The following OR2AT4 variants were observed in gnomAD, a reference collection of about 807,000 sequenced individuals.
OR2AT4 encodes olfactory receptor 2AT4.
A neutral mutation model predicts 10.3 loss-of-function variants in OR2AT4; 6 were observed. The ratio of observed to expected loss-of-function variants is 0.58; its 90% CI spans 0.32 to 1.15. The LOEUF is 1.15. Among genes scored for constraint, OR2AT4 ranks in the 50% most tolerant of loss-of-function variants. The probability of loss-of-function intolerance (pLI) is 0.05; values close to 1 mark genes in which losing one functional copy is unlikely to be tolerated. For missense variants in OR2AT4, 354 were observed against 393.8 expected, an observed-to-expected ratio of 0.90 and a Z score of 0.85; for synonymous variants, 145 against 159.1, an observed-to-expected ratio of 0.91 and a Z score of 0.67.
At position 75,089,555 on chromosome 11, in the gene OR2AT4, G is replaced by A. The variant is rs11236324; in HGVS notation, c.159C>T (p.Ala53=). ...TGTGGAGGCTGGGCTCTGCCACCAC[G>A]GCCACCAGGATCAGGGCATTACCCA... is the stretch of plus-strand genomic sequence containing the variant. The change falls in exon 2 of 2, where the codon GCC becomes GCT. Residue 53 remains alanine, a synonymous_variant. Transcript: ENST00000641504. 9.0e-3 allele frequency: 14,466 copies of A among 1,613,976 alleles called. 1,156 individuals carry two copies. In the African/African-American group the frequency reaches 0.17, roughly 19 times the overall value.
At chr11:75,087,916 A>T (rs183508317) in exon 2 of OR2AT4, 33 of 152,264 alleles carry the variant, frequency 2.2e-4, no homozygotes, top group African/African-American at 7.2e-4. Context: ...CATCTTTATG[A>T]GTTCACATTT....
intron 1 of OR2AT4, among the ~76,000 whole-genome samples, chr11:75,096,414 A>G (rs1040732975): frequency 1.3e-5 from 2 of 152,160 alleles, no homozygotes; most frequent in African/African-American, 4.8e-5. Flanking sequence ...CACTGTTTCC[A>G]TAGAAAAGGA....
chr11:75,090,207 A>G (rs1359455272), exon 2 of OR2AT4: 1 of 158,408 alleles, frequency 6.3e-6, no homozygotes, highest in Non-Finnish European at 1.4e-5. Context: ...CTACTTTTGT[A>G]CTCACTCAAA....
exon 2 of OR2AT4, chr11:75,086,197 T>C (rs1248451691): frequency 6.6e-6 from 1 of 152,164 alleles, no homozygotes; most frequent in Non-Finnish European, 1.5e-5. Flanking sequence ...TCAAAATTGT[T>C]CATAGAATGA....
At chr11:75,086,078 TGATA>T (rs1223597335) in exon 2 of OR2AT4, 7 of 152,242 alleles carry the variant, frequency 4.6e-5, no homozygotes, top group East Asian at 3.9e-4. Flanking sequence ...AAAGGCAATT[TGATA>T]GATAAAGAAT....
chr11:75,083,563 A>G (rs1332424889), exon 2 of OR2AT4: 1 of 152,216 alleles, frequency 6.6e-6, no homozygotes, highest in African/African-American at 2.4e-5. Context: ...AAAAGAAAAT[A>G]CGTTATTCTA....
At chr11:75,096,404 C>G (rs1161017392) in intron 1 of OR2AT4, among the ~76,000 whole-genome samples, 1 of 152,162 alleles carries the variant, frequency 6.6e-6, no homozygotes, top group African/African-American at 2.4e-5. Flanking sequence ...CACCATCCTG[C>G]ACTGTTTCCA....
exon 2 of OR2AT4, chr11:75,084,592 T>G (rs111602962): frequency 6.6e-6 from 1 of 152,192 alleles, no homozygotes; most frequent in African/African-American, 2.4e-5. Flanking sequence ...GTAGGTCATA[T>G]TTTAGGCCAC....
At chr11:75,085,382 A>G (rs959783311) in exon 2 of OR2AT4, 2 of 152,138 alleles carry the variant, frequency 1.3e-5, no homozygotes, top group Non-Finnish European at 2.9e-5. Flanking sequence ...ACTTCCTGAA[A>G]GAAAATTCCA....
chr11:75,087,804 C>T (rs1949297528), exon 2 of OR2AT4: 1 of 152,118 alleles, frequency 6.6e-6, no homozygotes, highest in African/African-American at 2.4e-5. Flanking sequence ...TGGGGTTTTT[C>T]TTTCTGATTT....
chr11:75,088,096 T>C (rs1320579054), exon 2 of OR2AT4: 1 of 152,248 alleles, frequency 6.6e-6, no homozygotes, highest in African/African-American at 2.4e-5. Context: ...TTATGGTTTA[T>C]TCAATCAGTT....
chr11:75,089,551 C>T, exon 2 of OR2AT4: 1 of 1,614,058 alleles, frequency 6.2e-7, no homozygotes, highest in Non-Finnish European at 8.5e-7. Flanking sequence ...GGCTCTGCCA[C>T]CACGGCCACC....
At chr11:75,095,538 G>A (rs570859161) in intron 1 of OR2AT4, among the ~76,000 whole-genome samples, 6 of 152,182 alleles carry the variant, frequency 3.9e-5, no homozygotes, top group African/African-American at 1.2e-4. Context: ...GGGTCTGATC[G>A]TTTCTATTTG....
At chr11:75,090,014 G>A (rs1248341312) in exon 2 of OR2AT4, 2 of 307,522 alleles carry the variant, frequency 6.5e-6, no homozygotes, top group Admixed American at 4.5e-5. Context: ...AAGAAGGCAG[G>A]CAAAGTTCCT....
At chr11:75,093,931 G>C (rs1949333651) in intron 1 of OR2AT4, among the ~76,000 whole-genome samples, 1 of 143,518 alleles carries the variant, frequency 7.0e-6, no homozygotes, top group African/African-American at 2.6e-5. Context: ...CAAGTGATTC[G>C]TGTGCCTCAG....
exon 2 of OR2AT4, chr11:75,087,341 T>C (rs933396835): frequency 2.0e-5 from 3 of 152,166 alleles, no homozygotes; most frequent in Non-Finnish European, 4.4e-5. Context: ...CATGGTAAAA[T>C]AAAATGATAA....
exon 2 of OR2AT4, chr11:75,081,801 C>T (rs1949268590): frequency 2.6e-5 from 4 of 151,942 alleles, no homozygotes; most frequent in Admixed American, 2.6e-4. Context: ...GCACAAGAAA[C>T]CTAGGAATAC....
At chr11:75,085,141 G>GA (rs1026340754) in exon 2 of OR2AT4, 7 of 151,778 alleles carry the variant, frequency 4.6e-5, no homozygotes, top group African/African-American at 1.5e-4. Flanking sequence ...AACTGACCAA[G>GA]AAAAAATCAC....
exon 2 of OR2AT4, chr11:75,084,642 A>G (rs1043177532): frequency 2.0e-5 from 3 of 152,240 alleles, no homozygotes; most frequent in African/African-American, 7.2e-5. Flanking sequence ...AAAATTTAAA[A>G]GAATAGAAAA....
Sources: gnomAD v4.1 joint callset for allele counts (sites outside exome capture counted in the v4.1 genomes callset) on GRCh38, gnomAD v4.1.1 for gene constraint, MANE v1.5 for transcripts, NCBI Gene and HGNC (gene_info 2026-07-23, HGNC 2026-07-21) for gene names.